LIN7A: variants seen among roughly 807,000 people sequenced by gnomAD.
LIN7A encodes the protein protein lin-7 homolog A.
In LIN7A, 25 loss-of-function variants were observed where a neutral mutation model predicts 29.8. The ratio of observed to expected loss-of-function variants is 0.84; its 90% CI spans 0.61 to 1.17. LIN7A has a LOEUF of 1.17. Ranked by LOEUF, LIN7A falls within the 50% of genes most tolerant of loss-of-function variation. The probability of loss-of-function intolerance (pLI) is 0.00; values close to 1 mark genes in which losing one functional copy is unlikely to be tolerated. For synonymous variants in LIN7A, 118 were observed against 107.5 expected (o/e 1.10, Z -0.60); for missense variants, 239 against 287.0 (o/e 0.83, Z 1.21).
chr12:80,913,560 G>A (rs1211993464), intron 1 of LIN7A, among the ~76,000 whole-genome samples: 1 of 152,280 alleles, frequency 6.6e-6, no homozygotes, highest in East Asian at 1.9e-4. Flanking sequence ...AAAAGAGAAG[G>A]CTAAAACAGC....
intron 1 of LIN7A, among the ~76,000 whole-genome samples, chr12:80,908,508 T>G (rs903853611): frequency 6.6e-6 from 1 of 152,066 alleles, no homozygotes; most frequent in African/African-American, 2.4e-5. Context: ...GAATTTATTA[T>G]CAAGTAAAAT....
chr12:80,873,008 C>T (rs1874499485), intron 2 of LIN7A, among the ~76,000 whole-genome samples: 2 of 152,144 alleles, frequency 1.3e-5, no homozygotes, highest in South Asian at 4.1e-4. Flanking sequence ...TCCATATGGG[C>T]TTATATTCCT....
intron 2 of LIN7A, among the ~76,000 whole-genome samples, chr12:80,870,155 A>T (rs1321283613): frequency 6.6e-6 from 1 of 152,190 alleles, no homozygotes; most frequent in Non-Finnish European, 1.5e-5. Context: ...TAAAGGCACA[A>T]CATAACAAAG....
chr12:80,810,406 TGTG>T (rs1384990749), intron 5 of LIN7A, among the ~76,000 whole-genome samples: 1 of 112,336 alleles, frequency 8.9e-6, no homozygotes, highest in Non-Finnish European at 2.0e-5. Flanking sequence ...TGTGTGTGTG[TGTG>T]TGTGTGTGTG....
At chr12:80,894,679 A>G (rs1350496732) in intron 1 of LIN7A, among the ~76,000 whole-genome samples, 1 of 152,204 alleles carries the variant, frequency 6.6e-6, no homozygotes, top group Non-Finnish European at 1.5e-5. Context: ...TCTGTTTTTT[A>G]GTACTCATCT....
In LIN7A at chr12:80,889,308, G is replaced by A. The variant is rs1875501445; in HGVS notation, c.144C>T (p.His48=). The A allele has an allele frequency of 1.2e-6, 2 of 1,612,830 alleles. No homozygotes were observed. Among genetic ancestry groups the A allele is most frequent in the East Asian group, 4.5e-5 (2 of 44,826 alleles). ...GCACTTTTTTGAGGGATTGTAGCTT[G>A]TGCACTGGTACTTCTCCAGATTCCT... ...KLQESGEVPV[H]KLQSLKKVLQ... is the part of the protein sequence containing the mutation. The change falls in exon 2 of 6, where the codon CAC becomes CAT. Residue 48 remains histidine (H), a synonymous_variant. Coordinates refer to ENST00000552864, the MANE Select transcript of LIN7A (RefSeq NM_004664.4).
rs117896160 is a variant in LIN7A at position 80,891,797 on chromosome 12, G to A, written c.83-2428C>T. On this transcript the variant is annotated intron_variant, in intron 1 of 5. Coordinates refer to ENST00000552864, the MANE Select transcript of LIN7A (RefSeq NM_004664.4). ...TAGGTAGGAGGTGTAAGTGGAGAAGGAGGGAAGAATGTTCAAGACAAAGGG... is the reference window on the plus strand; with the variant it reads ...TAGGTAGGAGGTGTAAGTGGAGAAGAAGGGAAGAATGTTCAAGACAAAGGG... 3.1e-3 allele frequency among the ~76,000 whole-genome samples: 471 copies of A among 152,304 alleles called. 1 individual carries two copies. Among genetic ancestry groups the A allele is most frequent in the South Asian group, 8.1e-3 (39 of 4,830 alleles).
chr12:80,877,328 C>T (rs1874761982), intron 2 of LIN7A, among the ~76,000 whole-genome samples: 1 of 151,902 alleles, frequency 6.6e-6, no homozygotes, highest in Non-Finnish European at 1.5e-5. Context: ...TATCTTCACA[C>T]AAAGGAATAT....
chr12:80,804,310 C>A (rs758049001), intron 5 of LIN7A, among the ~76,000 whole-genome samples: 1 of 151,976 alleles, frequency 6.6e-6, no homozygotes, highest in East Asian at 1.9e-4. Context: ...AAATACTAGG[C>A]CTTATGCATT....
At chr12:80,833,801 A>G (rs753672702) in intron 4 of LIN7A, among the ~76,000 whole-genome samples, 3 of 152,182 alleles carry the variant, frequency 2.0e-5, no homozygotes, top group Non-Finnish European at 1.5e-5. Flanking sequence ...TTCTTATTAT[A>G]TATACCATTT....
chr12:80,828,450 A>C (rs901476451), intron 4 of LIN7A, among the ~76,000 whole-genome samples: 3 of 152,316 alleles, frequency 2.0e-5, no homozygotes, highest in East Asian at 3.9e-4. Context: ...TAACCAAGAA[A>C]GCAAGTCATA....
intron 2 of LIN7A, among the ~76,000 whole-genome samples, chr12:80,858,752 A>C (rs1873727526): frequency 6.6e-6 from 1 of 152,142 alleles, no homozygotes; most frequent in Non-Finnish European, 1.5e-5. Context: ...CACTGTTTGG[A>C]TTACGCTGAT....
intron 2 of LIN7A, among the ~76,000 whole-genome samples, chr12:80,851,434 T>C (rs1377087228): frequency 1.3e-5 from 2 of 151,972 alleles, no homozygotes; most frequent in Admixed American, 6.6e-5. Flanking sequence ...GGACATGATC[T>C]GGTTGTAGAG....
intron 1 of LIN7A, among the ~76,000 whole-genome samples, chr12:80,912,565 A>C (rs1340410501): frequency 1.3e-5 from 2 of 151,738 alleles, no homozygotes. Context: ...AAATACAAAA[A>C]TTAGCTGGGT....
At chr12:80,912,804 G>T (rs747811313) in intron 1 of LIN7A, among the ~76,000 whole-genome samples, 15 of 151,786 alleles carry the variant, frequency 9.9e-5, no homozygotes, top group Non-Finnish European at 1.6e-4. Flanking sequence ...AGATCTTAAA[G>T]GTTACCCACG....
At chr12:80,828,344 C>T (rs980399645) in intron 4 of LIN7A, among the ~76,000 whole-genome samples, 1 of 151,898 alleles carries the variant, frequency 6.6e-6, no homozygotes, top group Non-Finnish European at 1.5e-5. Context: ...AAATGTCCAT[C>T]AACAGGGGAA....
intron 4 of LIN7A, among the ~76,000 whole-genome samples, chr12:80,819,245 G>A (rs1332170536): frequency 6.6e-6 from 1 of 152,058 alleles, no homozygotes; most frequent in African/African-American, 2.4e-5. Flanking sequence ...AAAAAATGTA[G>A]TATACATTAT....
intron 4 of LIN7A, among the ~76,000 whole-genome samples, chr12:80,834,123 T>A (rs1872505455): frequency 6.6e-6 from 1 of 152,184 alleles, no homozygotes; most frequent in South Asian, 2.1e-4. Flanking sequence ...TCTTCTGATG[T>A]CACATTTTAC....
chr12:80,795,018 G>T lies in LIN7A; in HGVS notation c.*2709C>A, dbSNP rs560971976. On this transcript the variant is annotated 3_prime_UTR_variant, in exon 6 of 6. Coordinates refer to ENST00000552864, the MANE Select transcript of LIN7A (RefSeq NM_004664.4). The stretch of plus-strand genomic sequence containing the variant: ...TTTCACCAGGATTTCTGGTGATATC[G>T]TAGAAGTTTTTTAAATTATAACGTT... The T allele has an allele frequency of 1.3e-5, 2 of 152,068 alleles. 1 individual carries two copies. The highest frequency in any genetic ancestry group is 1.3e-4 in the Admixed American group (2 of 15,246). 9.4% of individuals were successfully genotyped at this position (152,068 alleles called of 1,614,324 possible).
Sources: gnomAD v4.1 joint callset for allele counts (sites outside exome capture counted in the v4.1 genomes callset) on GRCh38, gnomAD v4.1.1 for gene constraint, MANE v1.5 for transcripts, NCBI Gene and HGNC (gene_info 2026-07-23, HGNC 2026-07-21) for gene names.